KAZN: variants seen among roughly 807,000 people sequenced by gnomAD.
KAZN encodes kazrin, periplakin interacting protein, also known as kazrin.
Under a neutral mutation model 87.4 loss-of-function variants are expected in KAZN, and 40 were observed. The observed-to-expected ratio is 0.46, with a 90% CI of 0.36 to 0.60. KAZN has a LOEUF of 0.60. Ranked by LOEUF, KAZN falls within the 20% of genes least tolerant of loss-of-function variation. The pLI is 0.00. For missense variants in KAZN, 898 were observed against 1,073.9 expected (o/e 0.84, Z 2.29); for synonymous variants, 466 against 458.3 (o/e 1.02, Z -0.22).
chr1:14,902,193 A>G (rs1415434109), intron 1 of KAZN, among the ~76,000 whole-genome samples: 1 of 151,952 alleles, frequency 6.6e-6, no homozygotes, highest in Non-Finnish European at 1.5e-5. Flanking sequence ...ACATAAATTT[A>G]TAGACTAGAA....
intron 1 of KAZN, among the ~76,000 whole-genome samples, chr1:14,896,093 T>C (rs562183220): frequency 3.4e-5 from 5 of 148,332 alleles, no homozygotes; most frequent in Non-Finnish European, 5.9e-5. Context: ...TCTTGCTCTG[T>C]TGCTAGGCTG....
chr1:15,089,244 T>G (rs1458380461), intron 8 of KAZN, among the ~76,000 whole-genome samples: 1 of 152,104 alleles, frequency 6.6e-6, no homozygotes, highest in Admixed American at 6.5e-5. Context: ...CCATGCTCCT[T>G]TAGCTCCCTT....
chr1:14,853,777 G>C (rs930265818), intron 1 of KAZN, among the ~76,000 whole-genome samples: 5 of 152,150 alleles, frequency 3.3e-5, no homozygotes, highest in African/African-American at 1.2e-4. Flanking sequence ...CTGACCTGTG[G>C]TCACTTGGCC....
intron 2 of KAZN, among the ~76,000 whole-genome samples, chr1:14,984,665 T>C (rs969088274): frequency 1.3e-5 from 2 of 152,110 alleles, no homozygotes; most frequent in African/African-American, 4.8e-5. Context: ...CCAGGTCTCC[T>C]TGGACAAGTG....
intron 1 of KAZN, among the ~76,000 whole-genome samples, chr1:14,165,207 T>C (rs959002166): frequency 6.6e-6 from 1 of 152,052 alleles, no homozygotes; most frequent in African/African-American, 2.4e-5. Context: ...CTTTAGGACA[T>C]TGGGAGCCTT....
intron 2 of KAZN, among the ~76,000 whole-genome samples, chr1:14,407,769 T>A (rs7540429): frequency 0.04 from 6,125 of 152,190 alleles, 350 homozygotes; most frequent in African/African-American, 0.13. Context: ...TCTTTTTTTT[T>A]AAAAAGACAA....
chr1:14,577,014 A>G (rs1675232090), intron 2 of KAZN, among the ~76,000 whole-genome samples: 1 of 152,202 alleles, frequency 6.6e-6, no homozygotes, highest in South Asian at 2.1e-4. Context: ...TCCCTTTGGT[A>G]GTTTGAAGAC....
intron 2 of KAZN, among the ~76,000 whole-genome samples, chr1:15,018,900 T>C (rs1413549223): frequency 6.6e-6 from 1 of 152,214 alleles, no homozygotes; most frequent in African/African-American, 2.4e-5. Context: ...TCTTCAGATA[T>C]CGTTTCCACC....
rs190874655 is a variant in KAZN, at chr1:14,431,215, C to A, written c.250-167768C>A. Among the ~76,000 whole-genome samples the A allele has an allele frequency of 7.9e-5, 12 of 152,278 alleles. No homozygotes were observed. The East Asian group carries it at 1.2e-3, about 15-fold the overall frequency. ...TAGAAGGTATGGGCCACTTAGCATCCACCTGACATTGGCCATAGTGCTCGA... is the reference window on the plus strand; with the variant it reads ...TAGAAGGTATGGGCCACTTAGCATCAACCTGACATTGGCCATAGTGCTCGA... On this transcript the variant is annotated intron_variant, in intron 2 of 16. Coordinates refer to the KAZN transcript ENST00000636203.
At chr1:15,067,933 T>C (rs1573242558) in intron 8 of KAZN, 1 of 821,504 alleles carries the variant, frequency 1.2e-6, no homozygotes, top group East Asian at 1.3e-4. Flanking sequence ...CTCCTGCTAA[T>C]GATTTAGTAG....
At chr1:13,998,055 A>G (rs1639610175) in intron 1 of KAZN, among the ~76,000 whole-genome samples, 1 of 152,244 alleles carries the variant, frequency 6.6e-6, no homozygotes, top group South Asian at 2.1e-4. Flanking sequence ...AAGTCAGAAG[A>G]GATTGGGGGC....
chr1:14,075,634 C>T (rs774993754), intron 1 of KAZN, among the ~76,000 whole-genome samples: 6 of 152,160 alleles, frequency 3.9e-5, no homozygotes, highest in Non-Finnish European at 8.8e-5. Context: ...ATGCTCAGAA[C>T]AAAAACGCAG....
chr1:14,943,008 GTGTGTGTGTGTGTGT>G (rs1661287859), intron 1 of KAZN, among the ~76,000 whole-genome samples: 1 of 62,220 alleles, frequency 1.6e-5, no homozygotes, highest in East Asian at 5.7e-4. Flanking sequence ...TGTGTGTGTG[GTGTGTGTGTGTGTGT>G]GTGTGTGTGT....
At chr1:14,076,701 C>T (rs934089541) in intron 1 of KAZN, among the ~76,000 whole-genome samples, 9 of 152,186 alleles carry the variant, frequency 5.9e-5, no homozygotes, top group South Asian at 2.1e-4. Flanking sequence ...GCTGCTTTCA[C>T]CTGACCCCGG....
chr1:14,312,469 C>T (rs1005625715), intron 2 of KAZN, among the ~76,000 whole-genome samples: 2 of 152,132 alleles, frequency 1.3e-5, no homozygotes, highest in Non-Finnish European at 1.5e-5. Context: ...GAGAAGGTGA[C>T]ATTTTAGGCA....
intron 1 of KAZN, among the ~76,000 whole-genome samples, chr1:14,818,247 A>G (rs1318274248): frequency 1.5e-4 from 23 of 152,158 alleles, no homozygotes; most frequent in Admixed American, 1.5e-3. Context: ...TTGTTCTATC[A>G]TTCACCACTA....
intron 2 of KAZN, among the ~76,000 whole-genome samples, chr1:14,557,979 C>T (rs1674013926): frequency 1.3e-5 from 2 of 152,272 alleles, no homozygotes; most frequent in Admixed American, 6.5e-5. Context: ...GCAGATTTAG[C>T]CTGAGCTGAT....
chr1:14,884,826 A>G (rs775844690), intron 1 of KAZN, among the ~76,000 whole-genome samples: 3 of 152,192 alleles, frequency 2.0e-5, no homozygotes, highest in Non-Finnish European at 4.4e-5. Context: ...ACAGTTTTTC[A>G]TAACTGAGCA....
chr1:14,762,623 G>A (rs1429234797), intron 1 of KAZN, among the ~76,000 whole-genome samples: 3 of 152,218 alleles, frequency 2.0e-5, no homozygotes, highest in East Asian at 3.9e-4. Flanking sequence ...TACTCGGGAG[G>A]CTGAGGCAGG....
Sources: gnomAD v4.1 joint callset for allele counts (sites outside exome capture counted in the v4.1 genomes callset) on GRCh38, gnomAD v4.1.1 for gene constraint, MANE v1.5 for transcripts, NCBI Gene and HGNC (gene_info 2026-07-23, HGNC 2026-07-21) for gene names.